MUC5B: variants seen among roughly 807,000 people sequenced by gnomAD.
MUC5B encodes mucin-5B.
Under a neutral mutation model 376.9 loss-of-function variants are expected in MUC5B, and 116 were observed. That is an observed-to-expected ratio of 0.31 (90% CI 0.26 to 0.36). The LOEUF is 0.36. MUC5B is among the 10% of genes least tolerant of loss of function. The probability of loss-of-function intolerance (pLI) is 1.00; values close to 1 mark genes in which losing one functional copy is unlikely to be tolerated. For missense variants in MUC5B, 7,165 were observed against 7,769.9 expected, an observed-to-expected ratio of 0.92 and a Z score of 2.93; for synonymous variants, 3,517 against 3,390.9, an observed-to-expected ratio of 1.04 and a Z score of -1.29.
In MUC5B at chr11:1,251,651, C is replaced by T. The variant is rs767870646; in HGVS notation, c.14771C>T (p.Ser4924Leu). The stretch of plus-strand genomic sequence containing the variant: ...TTCAGCGTGTCCACTGTGTCCTCCT[C>T]AGTCCTCACCACCCTGAGACCCACT... ...PTFSVSTVSSSVLTTLRPTGF... is the reference protein window; with the variant it reads ...PTFSVSTVSSLVLTTLRPTGF... The change falls in exon 31 of 49, where the codon TCA (serine) becomes TTA (leucine). Residue 4924 changes from serine to leucine, a missense_variant. Transcript: ENST00000529681. The T allele has an allele frequency of 1.2e-6, 2 of 1,613,146 alleles. No homozygotes were observed. The highest frequency in any genetic ancestry group is 1.1e-5 in the South Asian group (1 of 91,090).
Position 1,234,324 on chromosome 11 carries a change from G to A in MUC5B, c.2478+19G>A. 1.9e-6 allele frequency: 3 copies of A among 1,568,170 alleles called. No individual in the cohort carries two copies. Among genetic ancestry groups the A allele is most frequent in the Middle Eastern group, 1.7e-4 (1 of 5,860 alleles). On this transcript the variant is annotated intron_variant, in intron 20 of 48. Coordinates refer to ENST00000529681, the MANE Select transcript of MUC5B (RefSeq NM_002458.3). This position sits in a 1 kb window ranked among gnomAD's most constrained non-coding sequence, Gnocchi z 6.3. ...GGGCTGTGTGAGTTCCATGCTTCAG[G>A]GAGGGGTGGGCAGGGAAGGGGTCCC... is the stretch of plus-strand genomic sequence containing the variant.
chr11:1,232,807 C>A, intron 17 of MUC5B, 37 bp downstream of exon 17: 2 of 1,553,930 alleles, frequency 1.3e-6, no homozygotes, highest in East Asian at 2.3e-5. Flanking sequence ...GTGTCCACAC[C>A]GCGTGGGGGT....
At position 1,233,859 on chromosome 11, in the gene MUC5B, C is replaced by CCCCTGCCCTG. The variant is rs55859402; in HGVS notation, c.2377+25_2377+34dup. On this transcript the variant is annotated intron_variant, in intron 19 of 48. Coordinates refer to ENST00000529681, the MANE Select transcript of MUC5B (RefSeq NM_002458.3). ...TGCAGAAAAGCACAGGTAAGTGCCA[C>CCCCTGCCCTG]CCCTGCCCTGCCCTGCCCTGCCCCG... 9.6e-6 allele frequency: 15 copies of CCCCTGCCCTG among 1,568,384 alleles called. 1 individual carries two copies. The South Asian group carries it at 1.6e-4, about 17-fold the overall frequency.
chr11:1,243,671 C>T lies in MUC5B; in HGVS notation c.6791C>T (p.Ser2264Leu). 2 of 1,611,534 alleles carry T rather than the reference C, an allele frequency of 1.2e-6. No individual in the cohort carries two copies. The highest frequency in any genetic ancestry group is 1.7e-6 in the Non-Finnish European group (2 of 1,179,568). ...CACCCTAGCAGCAGAACCACCGAGT[C>T]ACCCCCTTCTCCAGGGACGACCACC... is the stretch of plus-strand genomic sequence containing the variant. ...SPHPSSRTTE[S>L]PPSPGTTTPG... The change falls in exon 31 of 49, where the codon TCA becomes TTA. Residue 2264 changes from serine to leucine, a missense_variant. Physicochemically the swap from Ser to Leu is moderately radical, Grantham distance 145 (BLOSUM62 -2). Around this residue, in one of 31 missense-constraint regions of MUC5B, gnomAD observed 79 missense variants for 63.0 expected, o/e 1.25. Coordinates refer to ENST00000529681, the MANE Select transcript of MUC5B (RefSeq NM_002458.3).
intron 45 of MUC5B, 21 bp downstream of exon 45, chr11:1,259,863 G>A (rs774498444): frequency 5.0e-6 from 8 of 1,612,294 alleles, no homozygotes; most frequent in Non-Finnish European, 6.8e-6. Context: ...AGGCATGTGG[G>A]GGCAGGTCTC....
At position 1,246,263 on chromosome 11, in the gene MUC5B, C is replaced by T. The variant is rs201554359; in HGVS notation, c.9383C>T (p.Thr3128Ile). Residue 3128 changes from threonine to isoleucine, a missense_variant, in exon 31 of 49, where the codon ACT (threonine) becomes ATT (isoleucine). Around this residue, in one of 31 missense-constraint regions of MUC5B, gnomAD observed 939 missense variants for 770.6 expected, o/e 1.22. Coordinates refer to ENST00000529681, the MANE Select transcript of MUC5B (RefSeq NM_002458.3). The part of the protein sequence containing the change: ...ATSSMSTPSS[T>I]PGTTWILTEL... ...AGTTCCATGTCCACCCCCTCCTCCA[C>T]TCCGGGGACGACCTGGATCCTCACA... 10 of 1,612,726 alleles carry T rather than the reference C, an allele frequency of 6.2e-6. No homozygotes were observed. The African/African-American group carries it at 1.1e-4, about 17-fold the overall frequency.
chr11:1,233,116 C>A lies in MUC5B; in HGVS notation c.2169C>A (p.Ser723Arg). 1 of 1,607,790 alleles carries A rather than the reference C, an allele frequency of 6.2e-7. No individual in the cohort carries two copies. The highest frequency in any genetic ancestry group is 8.5e-7 in the Non-Finnish European group (1 of 1,179,472). ...RGLSEADVTCSVSFVPVDGCT... is the reference protein window; with the variant it reads ...RGLSEADVTCRVSFVPVDGCT... ...TGAGTGAGGCCGACGTCACCTGCAG[C>A]GTTTCCTTCGTGCCTGTGGACGGCT... Residue 723 changes from serine to arginine, a missense_variant, in exon 18 of 49, where the codon AGC becomes AGA. Ser to Arg is a moderately radical substitution (Grantham distance 110, BLOSUM62 -1). Coordinates refer to ENST00000529681, the MANE Select transcript of MUC5B (RefSeq NM_002458.3).
Position 1,254,294 on chromosome 11 carries a change from C to T in MUC5B, c.15420C>T (p.Tyr5140=). ...GCCCCCGCGCCCTCAGCATCCACTACAAGTCCATGGATATCGTCCTCACTG... is the reference window on the plus strand; with the variant it reads ...GCCCCCGCGCCCTCAGCATCCACTATAAGTCCATGGATATCGTCCTCACTG... ...ARCPRALSIH[Y]KSMDIVLTVT... The change falls in exon 34 of 49, where the codon TAC becomes TAT. Residue 5140 remains tyrosine, a synonymous_variant. Coordinates refer to ENST00000529681, the MANE Select transcript of MUC5B (RefSeq NM_002458.3). 1.2e-6 allele frequency: 2 copies of T among 1,610,232 alleles called. No homozygotes were observed. Among genetic ancestry groups the T allele is most frequent in the Non-Finnish European group, 1.7e-6 (2 of 1,179,856 alleles).
chr11:1,241,667 T>G lies in MUC5B; in HGVS notation c.4787T>G (p.Leu1596Arg). ...TGCTACAACTACAGGATCCGGGTCC[T>G]CTGCTGCAGTGACGACCACTGCAGG... Reference protein sequence around the residue: ...KMCYNYRIRVLCCSDDHCRGR... With the variant: ...KMCYNYRIRVRCCSDDHCRGR... Residue 1596 changes from leucine (L) to arginine (R), a missense_variant, in exon 31 of 49, where the codon CTC (leucine) becomes CGC (arginine). Leu to Arg is a moderately radical substitution (Grantham distance 102). Coordinates refer to ENST00000529681, the MANE Select transcript of MUC5B (RefSeq NM_002458.3). 1 of 1,612,424 alleles carries G rather than the reference T, an allele frequency of 6.2e-7. No individual in the cohort carries two copies. Among genetic ancestry groups the G allele is most frequent in the East Asian group, 2.2e-5 (1 of 44,850 alleles).
intron 5 of MUC5B, 71 bp from the exon 6 acceptor site, chr11:1,227,236 CG>C (rs1861909554): frequency 6.4e-7 from 1 of 1,570,258 alleles, no homozygotes; most frequent in Admixed American, 1.7e-5. Context: ...CTTGGGGTCA[CG>C]GGGCTTGGGG....
rs374031177 is a variant in MUC5B, at chr11:1,241,026, G to A, written c.4146G>A (p.Ala1382=). ...CPVLADIECR[A]AQLPDMPLEE... is the part of the protein sequence containing the mutation. Reference sequence around the variant, plus strand: ...TGCTGGCTGACATCGAGTGCCGGGCGGCGCAGCTTCCCGACATGCCGCTGG... The same window carrying A: ...TGCTGGCTGACATCGAGTGCCGGGCAGCGCAGCTTCCCGACATGCCGCTGG... Residue 1382 remains alanine (A), a synonymous_variant, in exon 31 of 49, where the codon GCG becomes GCA. Transcript: ENST00000529681. 18 of 1,612,574 alleles carry A rather than the reference G, an allele frequency of 1.1e-5. 1 individual carries two copies. The highest frequency in any genetic ancestry group is 6.7e-5 in the African/African-American group (5 of 74,942).
Position 1,249,191 on chromosome 11 carries a change from A to G in MUC5B, c.12311A>G (p.Lys4104Arg), listed in dbSNP as rs747004531. The change falls in exon 31 of 49, where the codon AAG becomes AGG. Residue 4104 changes from lysine to arginine, a missense_variant. Lys to Arg is a conservative substitution (Grantham distance 26). Coordinates refer to ENST00000529681, the MANE Select transcript of MUC5B (RefSeq NM_002458.3). ...ACCACGGCCACGGCCACACCCAGCA[A>G]GACCCGCACCTCGACCCTGCTGCCC... ...SRTTATATPS[K>R]TRTSTLLPSS... 1.9e-6 allele frequency: 3 copies of G among 1,611,248 alleles called. No individual in the cohort carries two copies. Among genetic ancestry groups the G allele is most frequent in the South Asian group, 2.2e-5 (2 of 90,962 alleles).
In MUC5B at chr11:1,259,809, C is replaced by G; in HGVS notation, c.16767C>G (p.Thr5589=). 6.2e-7 allele frequency: 1 copy of G among 1,612,354 alleles called. No homozygotes were observed. The highest frequency in any genetic ancestry group is 1.1e-5 in the South Asian group (1 of 91,072). Reference sequence around the variant, plus strand: ...AGTGCTGTGGGGAGTGCGTCCAGACCGCCTGCCTCACGCCCGATGGCCAGC... The same window carrying G: ...AGTGCTGTGGGGAGTGCGTCCAGACGGCCTGCCTCACGCCCGATGGCCAGC... ...AGQCCGECVQ[T]ACLTPDGQPV... The change falls in exon 45 of 49, where the codon ACC becomes ACG. Residue 5589 remains threonine, a synonymous_variant. Transcript: ENST00000529681.
In MUC5B at chr11:1,240,515, G is replaced by A. The variant is rs1051266422; in HGVS notation, c.3970+140G>A. The A allele has an allele frequency of 1.1e-5, 9 of 784,932 alleles. No homozygotes were observed. In the Admixed American group the frequency reaches 2.6e-4, roughly 23 times the overall value. 48.6% of individuals were successfully genotyped at this position (784,932 alleles called of 1,614,324 possible). ...TCCGGGCTCTGTCTAGGGGTGCACGGCCCCTCAACACCCTGCGTGTCTCCA... is the reference window on the plus strand; with the variant it reads ...TCCGGGCTCTGTCTAGGGGTGCACGACCCCTCAACACCCTGCGTGTCTCCA... On this transcript the variant is annotated intron_variant, in intron 30 of 48. Coordinates refer to ENST00000529681, the MANE Select transcript of MUC5B (RefSeq NM_002458.3).
chr11:1,257,768 C>A lies in MUC5B; in HGVS notation c.16450+58C>A. 3 of 1,491,594 alleles carry A rather than the reference C, an allele frequency of 2.0e-6. No individual in the cohort carries two copies. The highest frequency in any genetic ancestry group is 1.3e-5 in the South Asian group (1 of 78,072). The allele number at this position is 1,491,594 out of a possible 1,614,324, so 92.4% of individuals were successfully genotyped here. ...AGGGTGAGGGGGGACAGAGCCGGTG[C>A]CCACCAGGGGCCTGTGGGTTGGGCA... On this transcript the variant is annotated intron_variant, in intron 41 of 48. Coordinates refer to ENST00000529681, the MANE Select transcript of MUC5B (RefSeq NM_002458.3). This position sits in a 1 kb window ranked among gnomAD's most constrained non-coding sequence, Gnocchi z 8.9.
Position 1,261,511 on chromosome 11 carries a change from A to T in MUC5B, c.17192A>T (p.His5731Leu). Residue 5731 changes from histidine (H) to leucine (L), a missense_variant, in exon 49 of 49, where the codon CAC becomes CTC. Coordinates refer to ENST00000529681, the MANE Select transcript of MUC5B (RefSeq NM_002458.3). The stretch of plus-strand genomic sequence containing the variant: ...TCAGCCATCCTGCACACCTACACCC[A>T]CGTGGATGAGTGTGGCTGCACGCCC... Reference protein sequence around the residue: ...NGSAILHTYTHVDECGCTPFC... With the variant: ...NGSAILHTYTLVDECGCTPFC... 1.9e-6 allele frequency: 3 copies of T among 1,604,766 alleles called. No individual in the cohort carries two copies. The highest frequency in any genetic ancestry group is 2.5e-6 in the Non-Finnish European group (3 of 1,176,682).
In MUC5B at chr11:1,243,751, A is replaced by T. The variant is rs752290274; in HGVS notation, c.6871A>T (p.Thr2291Ser). 1.2e-6 allele frequency: 2 copies of T among 1,611,324 alleles called. No homozygotes were observed. The highest frequency in any genetic ancestry group is 1.7e-6 in the Non-Finnish European group (2 of 1,179,570). Residue 2291 changes from threonine (T) to serine (S), a missense_variant, in exon 31 of 49, where the codon ACC becomes TCC. By Grantham distance (58) the Thr-to-Ser change is moderately conservative (BLOSUM62 1). Transcript: ENST00000529681. The part of the protein sequence containing the change: ...RTTATATPSK[T>S]RTSTLLPSSP... The stretch of plus-strand genomic sequence containing the variant: ...CACAGCCACGGCCACACCCAGCAAG[A>T]CCCGCACCTCGACCCTGCTGCCCAG...
In MUC5B at chr11:1,261,630, A is replaced by T. The variant is rs764966924; in HGVS notation, c.*22A>T. On this transcript the variant is annotated 3_prime_UTR_variant, in exon 49 of 49. Coordinates refer to ENST00000529681, the MANE Select transcript of MUC5B (RefSeq NM_002458.3). ...CTGAGAACGTTCTGCCTCCATCCCCATGCTCTGTCCACCTGGAGCCAGGAT... is the reference window on the plus strand; with the variant it reads ...CTGAGAACGTTCTGCCTCCATCCCCTTGCTCTGTCCACCTGGAGCCAGGAT... 1.5e-5 allele frequency: 23 copies of T among 1,577,544 alleles called. No individual in the cohort carries two copies. The highest frequency in any genetic ancestry group is 5.3e-5 in the Admixed American group (3 of 56,232).
Position 1,242,295 on chromosome 11 carries a change from C to G in MUC5B, c.5415C>G (p.Gly1805=). The G allele has an allele frequency of 6.2e-7, 1 of 1,613,826 alleles. No homozygotes were observed. The highest frequency in any genetic ancestry group is 8.5e-7 in the Non-Finnish European group (1 of 1,179,864). The change falls in exon 31 of 49, where the codon GGC becomes GGG. Residue 1805 remains glycine (G), a synonymous_variant. Transcript: ENST00000529681. ...DVDFPTSGVA[G]GDMETFENIR... ...ACTTCCCAACCTCAGGGGTTGCAGGCGGGGACATGGAAACTTTTGAAAACA... is the reference window on the plus strand; with the variant it reads ...ACTTCCCAACCTCAGGGGTTGCAGGGGGGGACATGGAAACTTTTGAAAACA...
Sources: gnomAD v4.1 joint callset for allele counts on GRCh38, gnomAD v4.1.1 for gene constraint, gnomAD v4.1.1 regional missense constraint, Gnocchi (gnomAD v3.1) non-coding constraint, MANE v1.5 for transcripts, NCBI Gene and HGNC (gene_info 2026-07-23, HGNC 2026-07-21) for gene names.